NAALADL2: variants seen among roughly 807,000 people sequenced by gnomAD.
NAALADL2 encodes the protein inactive N-acetylated-alpha-linked acidic dipeptidase-like protein 2.
Under a neutral mutation model 87.2 loss-of-function variants are expected in NAALADL2, and 76 were observed. The observed-to-expected ratio is 0.87, with a 90% CI of 0.72 to 1.05. The LOEUF (loss-of-function observed/expected upper bound fraction) is 1.05, where lower values mean the gene tolerates loss of function less well. Ranked by LOEUF, NAALADL2 falls within the 50% of genes least tolerant of loss-of-function variation. NAALADL2 has a pLI of 0.00. For missense variants in NAALADL2, 1,089 were observed against 945.8 expected (o/e 1.15, Z -1.99); for synonymous variants, 354 against 331.0 (o/e 1.07, Z -0.75).
intron 11 of NAALADL2, among the ~76,000 whole-genome samples, chr3:175,711,692 T>G (rs1434224103): frequency 2.6e-5 from 4 of 151,894 alleles, no homozygotes. Context: ...GCCATTAAAC[T>G]GTGTAGTATT....
chr3:175,488,898 C>A (rs1727675863), intron 9 of NAALADL2, among the ~76,000 whole-genome samples: 1 of 152,122 alleles, frequency 6.6e-6, no homozygotes, highest in South Asian at 2.1e-4. Context: ...TAATAAAAAG[C>A]CAATCTGAAT....
At chr3:174,619,853 AAAT>A (rs138173336) in intron 2 of NAALADL2, among the ~76,000 whole-genome samples, 4 of 152,122 alleles carry the variant, frequency 2.6e-5, no homozygotes, top group East Asian at 3.9e-4. Flanking sequence ...TAAAATAGCA[AAAT>A]AATAATAACA....
chr3:175,053,652 C>T (rs1020213227), intron 1 of NAALADL2, among the ~76,000 whole-genome samples: 1 of 152,182 alleles, frequency 6.6e-6, no homozygotes. Flanking sequence ...TTCTGTTATA[C>T]AAAGTGAGAA....
chr3:174,636,807 TC>T (rs1722695358), intron 2 of NAALADL2, among the ~76,000 whole-genome samples: 2 of 152,026 alleles, frequency 1.3e-5, no homozygotes, highest in South Asian at 4.1e-4. Context: ...GATCCAGAAA[TC>T]CTACTACTAG....
At chr3:175,156,300 A>G (rs1191217027) in intron 2 of NAALADL2, among the ~76,000 whole-genome samples, 1 of 91,556 alleles carries the variant, frequency 1.1e-5, no homozygotes, top group Admixed American at 1.2e-4. Context: ...CATGTTCTTT[A>G]TTCTCAGACA....
chr3:175,580,144 G>A (rs533569626), intron 10 of NAALADL2, among the ~76,000 whole-genome samples: 52 of 152,094 alleles, frequency 3.4e-4, no homozygotes, highest in African/African-American at 1.1e-3. Flanking sequence ...AGTACCGTAG[G>A]TATTTTGAAA....
intron 1 of NAALADL2, among the ~76,000 whole-genome samples, chr3:174,982,371 A>C (rs1297431996): frequency 2.0e-5 from 3 of 152,174 alleles, no homozygotes; most frequent in Admixed American, 6.5e-5. Context: ...AAAAAAGCTA[A>C]TCAAGAAACT....
intron 2 of NAALADL2, among the ~76,000 whole-genome samples, chr3:174,713,322 A>C (rs1364250067): frequency 1.3e-5 from 2 of 152,182 alleles, no homozygotes; most frequent in Non-Finnish European, 2.9e-5. Context: ...TATACCCAGT[A>C]ATGGGATTGG....
intron 2 of NAALADL2, among the ~76,000 whole-genome samples, chr3:174,700,916 T>C (rs1729484868): frequency 6.6e-6 from 1 of 152,128 alleles, no homozygotes; most frequent in South Asian, 2.1e-4. Context: ...AGTGCAATGG[T>C]CCTGTTGGAT....
In NAALADL2 at chr3:175,172,575, T is replaced by C. The variant is rs573788235; in HGVS notation, c.546-61356T>C. 2.6e-5 allele frequency among the ~76,000 whole-genome samples: 4 copies of C among 152,262 alleles called. No individual in the cohort carries two copies. The East Asian group carries it at 7.7e-4, about 29-fold the overall frequency. The stretch of plus-strand genomic sequence containing the variant: ...TGTCCAGCATTTTGTAAAGAAATAT[T>C]GAAATCTGAGGAATTGAAATTATCC... On this transcript the variant is annotated intron_variant, in intron 2 of 13. Transcript: ENST00000454872.
At chr3:174,982,083 T>C (rs1745198129) in intron 1 of NAALADL2, among the ~76,000 whole-genome samples, 1 of 152,204 alleles carries the variant, frequency 6.6e-6, no homozygotes, top group Admixed American at 6.5e-5. Flanking sequence ...AGGGGGAATG[T>C]GCTCCGATAG....
At chr3:175,451,133 C>T (rs909904205) in intron 6 of NAALADL2, among the ~76,000 whole-genome samples, 1 of 152,008 alleles carries the variant, frequency 6.6e-6, no homozygotes, top group Admixed American at 6.6e-5. Flanking sequence ...TTGAACTTTT[C>T]GTATATATGA....
chr3:174,731,449 T>C (rs971236100), intron 2 of NAALADL2, among the ~76,000 whole-genome samples: 2 of 152,162 alleles, frequency 1.3e-5, no homozygotes, highest in Non-Finnish European at 2.9e-5. Context: ...CTTCATGTTC[T>C]TTCAGAATAA....
chr3:175,700,170 G>A (rs1738789400), intron 11 of NAALADL2, among the ~76,000 whole-genome samples: 1 of 152,104 alleles, frequency 6.6e-6, no homozygotes, highest in South Asian at 2.1e-4. Context: ...ACATTGGATT[G>A]TGTTTATGCA....
At chr3:174,827,644 A>G (rs1722151530) in intron 3 of NAALADL2, among the ~76,000 whole-genome samples, 1 of 152,214 alleles carries the variant, frequency 6.6e-6, no homozygotes. Flanking sequence ...CTCTTGCCAT[A>G]TAACATAATA....
At chr3:174,624,248 T>C (rs1226644527) in intron 2 of NAALADL2, among the ~76,000 whole-genome samples, 1 of 152,172 alleles carries the variant, frequency 6.6e-6, no homozygotes, top group East Asian at 1.9e-4. Context: ...TTTAGAATTA[T>C]AATATTAATT....
At chr3:175,160,817 T>G (rs1733090090) in intron 2 of NAALADL2, among the ~76,000 whole-genome samples, 2 of 152,292 alleles carry the variant, frequency 1.3e-5, no homozygotes, top group Admixed American at 1.3e-4. Flanking sequence ...TCAAATTTTT[T>G]GAAAAAGAAT....
At chr3:174,761,826 T>C (rs1223456873) in intron 3 of NAALADL2, among the ~76,000 whole-genome samples, 2 of 147,390 alleles carry the variant, frequency 1.4e-5, no homozygotes, top group African/African-American at 5.0e-5. Context: ...GTTCTCATTG[T>C]TCAGTTCCCA....
At chr3:174,749,191 G>C (rs1734580774) in intron 3 of NAALADL2, among the ~76,000 whole-genome samples, 1 of 152,074 alleles carries the variant, frequency 6.6e-6, no homozygotes, top group Non-Finnish European at 1.5e-5. Flanking sequence ...CTCTAAACCA[G>C]TTACATGTAT....
Sources: gnomAD v4.1 joint callset for allele counts (sites outside exome capture counted in the v4.1 genomes callset) on GRCh38, gnomAD v4.1.1 for gene constraint, MANE v1.5 for transcripts, NCBI Gene and HGNC (gene_info 2026-07-23, HGNC 2026-07-21) for gene names.